B3GALT1: variants seen among roughly 807,000 people sequenced by gnomAD.
B3GALT1 encodes the protein UDP-Gal:betaGlcNAc beta 1,3-galactosyltransferase, polypeptide 1.
A neutral mutation model predicts 23.2 loss-of-function variants in B3GALT1; 10 were observed. The ratio of observed to expected loss-of-function variants is 0.43; its 90% CI spans 0.27 to 0.73. The LOEUF (loss-of-function observed/expected upper bound fraction) is 0.73. B3GALT1 is among the 30% of genes least tolerant of loss of function. The pLI is 0.21. For synonymous variants in B3GALT1, 156 were observed against 141.5 expected (o/e 1.10, Z -0.73); for missense variants, 299 against 405.4 (o/e 0.74, Z 2.25).
chr2:167,436,351 C>G (rs375278647), intron 1 of B3GALT1, among the ~76,000 whole-genome samples: 77 of 152,222 alleles, frequency 5.1e-4, no homozygotes, highest in African/African-American at 1.7e-3. Context: ...ACTCCCCTCT[C>G]TACTACACTT....
intron 1 of B3GALT1, among the ~76,000 whole-genome samples, chr2:167,430,068 G>A (rs1698685713): frequency 6.6e-6 from 1 of 152,194 alleles, no homozygotes; most frequent in African/African-American, 2.4e-5. Flanking sequence ...ACCATTAAAT[G>A]CTGTGGGGAG....
chr2:167,559,967 A>G (rs865923423), intron 2 of B3GALT1, among the ~76,000 whole-genome samples: 5 of 152,136 alleles, frequency 3.3e-5, no homozygotes, highest in African/African-American at 1.2e-4. Flanking sequence ...CCACAAAGAT[A>G]CTCCTCGAGA....
intron 2 of B3GALT1, among the ~76,000 whole-genome samples, chr2:167,525,288 G>T (rs1010089279): frequency 6.6e-6 from 1 of 151,672 alleles, no homozygotes; most frequent in South Asian, 2.1e-4. Context: ...TGTTTGGTAC[G>T]TTTTCCTTTT....
At chr2:167,573,109 G>A (rs1049740037) in intron 2 of B3GALT1, among the ~76,000 whole-genome samples, 19 of 151,696 alleles carry the variant, frequency 1.3e-4, no homozygotes, top group African/African-American at 4.6e-4. Flanking sequence ...TCATAAAGAT[G>A]TGCTGAGATA....
chr2:167,308,195 T>C (rs1696579190), intron 1 of B3GALT1, among the ~76,000 whole-genome samples: 1 of 151,998 alleles, frequency 6.6e-6, no homozygotes, highest in Non-Finnish European at 1.5e-5. Flanking sequence ...CTGTTGGGAC[T>C]GAGAAAGACA....
At chr2:167,522,953 A>C (rs1215410554) in intron 2 of B3GALT1, among the ~76,000 whole-genome samples, 1 of 152,160 alleles carries the variant, frequency 6.6e-6, no homozygotes, top group African/African-American at 2.4e-5. Flanking sequence ...AGTACTTCAG[A>C]AGAATTTCCA....
chr2:167,355,024 C>A (rs1429614168), intron 1 of B3GALT1, among the ~76,000 whole-genome samples: 1 of 152,162 alleles, frequency 6.6e-6, no homozygotes, highest in African/African-American at 2.4e-5. Flanking sequence ...TCTTTTCATC[C>A]TTCATGGCCA....
In B3GALT1 at chr2:167,410,127, G is replaced by T. The variant is rs1309390534; in HGVS notation, c.-510-80050G>T. 2.6e-5 allele frequency among the ~76,000 whole-genome samples: 4 copies of T among 152,024 alleles called. No homozygotes were observed. In the East Asian group the frequency reaches 7.7e-4, roughly 29 times the overall value. On this transcript the variant is annotated intron_variant, in intron 1 of 4. Transcript: ENST00000392690. The stretch of plus-strand genomic sequence containing the variant: ...AAGAATGAGTTCATGTCCTTTGCAG[G>T]GACATGGATGAACCTGGAAACCATC...
At chr2:167,797,796 C>T (rs966424582) in intron 3 of B3GALT1, among the ~76,000 whole-genome samples, 1 of 152,136 alleles carries the variant, frequency 6.6e-6, no homozygotes. Flanking sequence ...GCAAGCTCTG[C>T]CTCCTGGGTT....
intron 1 of B3GALT1, among the ~76,000 whole-genome samples, chr2:167,353,125 G>A (rs1411331197): frequency 6.6e-6 from 1 of 152,188 alleles, no homozygotes; most frequent in Non-Finnish European, 1.5e-5. Context: ...ATCAATGGGT[G>A]TTCTACAGAG....
At chr2:167,667,842 G>C (rs754157794) in intron 3 of B3GALT1, among the ~76,000 whole-genome samples, 1 of 152,144 alleles carries the variant, frequency 6.6e-6, no homozygotes, top group African/African-American at 2.4e-5. Flanking sequence ...TCAAGTTATA[G>C]ATTCTTCTAA....
chr2:167,719,787 C>A (rs1687203089), intron 3 of B3GALT1, among the ~76,000 whole-genome samples: 1 of 152,070 alleles, frequency 6.6e-6, no homozygotes, highest in South Asian at 2.1e-4. Flanking sequence ...CAAAAATTAG[C>A]CAGGTATGGT....
chr2:167,561,884 G>A (rs1261288096), intron 2 of B3GALT1, among the ~76,000 whole-genome samples: 6 of 152,168 alleles, frequency 3.9e-5, no homozygotes, highest in Non-Finnish European at 8.8e-5. Flanking sequence ...GGTACAAGGA[G>A]GAACTGGTAC....
rs867403003 is a variant in B3GALT1, at chr2:167,377,978, T to G, written c.-511+84644T>G. 2.6e-5 allele frequency among the ~76,000 whole-genome samples: 4 copies of G among 152,306 alleles called. No individual in the cohort carries two copies. The South Asian group carries it at 8.3e-4, about 32-fold the overall frequency. ...GGTATTGTTCTTTGGTTTCCATGTT[T>G]AAAACTCCCTTAGGCATCCCTTGTA... On this transcript the variant is annotated intron_variant, in intron 1 of 4. Transcript: ENST00000392690.
At chr2:167,794,213 A>C (rs190358103) in intron 3 of B3GALT1, among the ~76,000 whole-genome samples, 1 of 152,194 alleles carries the variant, frequency 6.6e-6, no homozygotes, top group Non-Finnish European at 1.5e-5. Context: ...TGCGTTTAAC[A>C]CTAGTCTGAT....
intron 1 of B3GALT1, among the ~76,000 whole-genome samples, chr2:167,319,139 A>G (rs1696764007): frequency 6.6e-6 from 1 of 152,128 alleles, no homozygotes; most frequent in South Asian, 2.1e-4. Flanking sequence ...TGGCCAGGGC[A>G]CACTGGAGGT....
intron 3 of B3GALT1, among the ~76,000 whole-genome samples, chr2:167,708,011 G>A (rs1474504144): frequency 1.3e-5 from 2 of 152,176 alleles, no homozygotes; most frequent in Admixed American, 1.3e-4. Flanking sequence ...TGGTGGAGGA[G>A]AGGATGACTT....
chr2:167,809,722 T>G (rs890570479), intron 3 of B3GALT1, among the ~76,000 whole-genome samples: 4 of 152,208 alleles, frequency 2.6e-5, no homozygotes, highest in Admixed American at 2.6e-4. Flanking sequence ...GTTAGGCTAC[T>G]CGGGGGTCAG....
intron 1 of B3GALT1, among the ~76,000 whole-genome samples, chr2:167,433,503 G>C (rs890785274): frequency 3.3e-5 from 5 of 152,138 alleles, no homozygotes; most frequent in Non-Finnish European, 5.9e-5. Flanking sequence ...TAGGATAAGA[G>C]TTGATAGGTT....
Sources: allele counts gnomAD v4.1 joint callset (sites outside exome capture counted in the v4.1 genomes callset), GRCh38; gene constraint gnomAD v4.1.1; transcripts MANE v1.5; gene names NCBI Gene and HGNC (gene_info 2026-07-23, HGNC 2026-07-21).